MAD1L1: variants seen among roughly 807,000 people sequenced by gnomAD.
MAD1L1 encodes mitotic spindle assembly checkpoint protein MAD1.
A neutral mutation model predicts 96.9 loss-of-function variants in MAD1L1; 95 were observed. The observed-to-expected ratio is 0.98, with a 90% CI of 0.83 to 1.16. The LOEUF is 1.16. Among genes scored for constraint, MAD1L1 ranks in the 50% most tolerant of loss-of-function variants. MAD1L1 has a pLI of 0.00. For missense variants in MAD1L1, 1,007 were observed against 954.4 expected (o/e 1.06, Z -0.73); for synonymous variants, 473 against 396.6 (o/e 1.19, Z -2.29).
At chr7:2,204,183 C>T (rs936991511) in intron 10 of MAD1L1, among the ~76,000 whole-genome samples, 9 of 152,200 alleles carry the variant, frequency 5.9e-5, no homozygotes, top group Admixed American at 5.2e-4. Flanking sequence ...CTTCCATAAA[C>T]TCAGGGGATG....
chr7:1,855,472 C>A (rs1188226139), intron 18 of MAD1L1, among the ~76,000 whole-genome samples: 2 of 152,050 alleles, frequency 1.3e-5, no homozygotes, highest in African/African-American at 2.4e-5. Context: ...CAACGCCTGG[C>A]CTGGAAAGAG....
At chr7:1,856,909 G>A (rs1784286068) in intron 18 of MAD1L1, among the ~76,000 whole-genome samples, 1 of 152,166 alleles carries the variant, frequency 6.6e-6, no homozygotes, top group Non-Finnish European at 1.5e-5. Flanking sequence ...CCCCAGGGAG[G>A]CCTTCAGACC....
chr7:1,818,833 C>A (rs1781970634), intron 18 of MAD1L1, among the ~76,000 whole-genome samples: 1 of 149,586 alleles, frequency 6.7e-6, no homozygotes, highest in Non-Finnish European at 1.5e-5. Flanking sequence ...AAGAATGATG[C>A]CCTAATATAC....
chr7:1,932,409 G>C (rs1360713565), intron 17 of MAD1L1, among the ~76,000 whole-genome samples: 1 of 152,346 alleles, frequency 6.6e-6, no homozygotes, highest in East Asian at 1.9e-4. Flanking sequence ...TCCTCTGCCA[G>C]CTTCCTGAGA....
chr7:1,982,229 A>T (rs2128484713), intron 14 of MAD1L1, among the ~76,000 whole-genome samples: 1 of 152,104 alleles, frequency 6.6e-6, no homozygotes, highest in African/African-American at 2.4e-5. Flanking sequence ...ATACATATAT[A>T]TTCTGAGACA....
At chr7:2,009,441 G>A (rs929689354) in intron 13 of MAD1L1, among the ~76,000 whole-genome samples, 4 of 152,208 alleles carry the variant, frequency 2.6e-5, no homozygotes, top group African/African-American at 9.7e-5. Flanking sequence ...GGAAAAGGAT[G>A]GGACGGAAGC....
chr7:1,827,563 GTCCCGGGTGTGGCA>G (rs1782476690), intron 18 of MAD1L1, among the ~76,000 whole-genome samples: 67 of 100,948 alleles, frequency 6.6e-4, no homozygotes, highest in South Asian at 1.5e-3. Flanking sequence ...TCCTGAGCCC[GTCCCGGGTGTGGCA>G]TCCTCCCCTC....
chr7:2,202,387 G>A (rs932257482), intron 10 of MAD1L1, among the ~76,000 whole-genome samples: 3 of 152,220 alleles, frequency 2.0e-5, no homozygotes, highest in Non-Finnish European at 4.4e-5. Flanking sequence ...CACCTCTGGA[G>A]GGCAGCACAC....
intron 13 of MAD1L1, among the ~76,000 whole-genome samples, chr7:2,010,736 G>A (rs867043143): frequency 6.6e-6 from 1 of 152,242 alleles, no homozygotes; most frequent in Non-Finnish European, 1.5e-5. Context: ...CTCTCAGAGC[G>A]ATGCTGCATC....
At chr7:1,964,349 C>A (rs1331927925) in intron 15 of MAD1L1, among the ~76,000 whole-genome samples, 1 of 152,182 alleles carries the variant, frequency 6.6e-6, no homozygotes, top group African/African-American at 2.4e-5. Flanking sequence ...AATGAGCGCA[C>A]GCGTGTAGCT....
chr7:2,225,515 G>T lies in MAD1L1; in HGVS notation c.186C>A (p.Ser62=). Residue 62 remains serine, a synonymous_variant, in exon 4 of 19, where the codon TCC becomes TCA. Transcript: ENST00000265854. The part of the protein sequence containing the change: ...EERAEQIRSK[S]HLIQVEREKM... ...TCTCCCGCTCCACCTGGATGAGGTGGGACTTCGAACGGATCTGCTCTGCTC... is the reference window on the plus strand; with the variant it reads ...TCTCCCGCTCCACCTGGATGAGGTGTGACTTCGAACGGATCTGCTCTGCTC... 1 of 1,614,048 alleles carries T rather than the reference G, an allele frequency of 6.2e-7. No homozygotes were observed. The highest frequency in any genetic ancestry group is 2.2e-5 in the East Asian group (1 of 44,876).
chr7:1,860,824 G>C (rs1198354347), intron 18 of MAD1L1, among the ~76,000 whole-genome samples: 2 of 152,234 alleles, frequency 1.3e-5, no homozygotes, highest in Non-Finnish European at 2.9e-5. Context: ...CCGAGCACAA[G>C]GGCACTGCAC....
rs370261896 is a variant in MAD1L1 at position 1,982,247 on chromosome 7, G to A, written c.1417-1706C>T. On this transcript the variant is annotated intron_variant, in intron 14 of 18. Transcript: ENST00000265854. Reference sequence around the variant, plus strand: ...CATATATATTCTGAGACAGAGTCTCGCTGTGTCACCCAGGCTCGAGTGCAG... The same window carrying A: ...CATATATATTCTGAGACAGAGTCTCACTGTGTCACCCAGGCTCGAGTGCAG... Among the ~76,000 whole-genome samples the A allele has an allele frequency of 2.5e-4, 38 of 151,846 alleles. No individual in the cohort carries two copies. The East Asian group carries it at 5.4e-3, about 22-fold the overall frequency.
Position 1,816,043 on chromosome 7 carries a change from C to T in MAD1L1, c.*27G>A. 7.6e-6 allele frequency: 12 copies of T among 1,587,316 alleles called. No individual in the cohort carries two copies. Among genetic ancestry groups the T allele is most frequent in the Non-Finnish European group, 1.0e-5 (12 of 1,166,248 alleles). ...CTGCAGGTCAGGCCAAGCAGAGTGGCTCCGGCTATGCCCCCGAGCCTGCAG... is the reference window on the plus strand; with the variant it reads ...CTGCAGGTCAGGCCAAGCAGAGTGGTTCCGGCTATGCCCCCGAGCCTGCAG... On this transcript the variant is annotated 3_prime_UTR_variant, in exon 19 of 19. Transcript: ENST00000265854.
chr7:2,110,103 C>T (rs896733121), intron 11 of MAD1L1, among the ~76,000 whole-genome samples: 1 of 152,232 alleles, frequency 6.6e-6, no homozygotes, highest in African/African-American at 2.4e-5. Context: ...AAACCACAGC[C>T]GATTTTCCTA....
chr7:2,187,504 C>A (rs1791515990), intron 10 of MAD1L1, among the ~76,000 whole-genome samples: 1 of 152,208 alleles, frequency 6.6e-6, no homozygotes, highest in Non-Finnish European at 1.5e-5. Context: ...GCTGCCCAGG[C>A]TGGACTGCAA....
chr7:2,159,340 G>A (rs1200369026), intron 10 of MAD1L1, among the ~76,000 whole-genome samples: 1 of 152,178 alleles, frequency 6.6e-6, no homozygotes, highest in Non-Finnish European at 1.5e-5. Flanking sequence ...CAGGTCCTCT[G>A]CACAGCCCTC....
At chr7:1,884,744 C>T (rs537557914) in intron 18 of MAD1L1, among the ~76,000 whole-genome samples, 35 of 152,378 alleles carry the variant, frequency 2.3e-4, no homozygotes, top group Middle Eastern at 3.4e-3. Context: ...CACGCCTGCG[C>T]CCTGAGGCCC....
intron 18 of MAD1L1, among the ~76,000 whole-genome samples, chr7:1,885,200 G>A (rs895076590): frequency 4.6e-5 from 7 of 152,202 alleles, no homozygotes; most frequent in Non-Finnish European, 8.8e-5. Flanking sequence ...CTGCATGGAC[G>A]CCCCCACACA....
Sources: gnomAD v4.1 joint callset for allele counts (sites outside exome capture counted in the v4.1 genomes callset) on GRCh38, gnomAD v4.1.1 for gene constraint, MANE v1.5 for transcripts, NCBI Gene and HGNC (gene_info 2026-07-23, HGNC 2026-07-21) for gene names.